Variants in RBFOX1 observed in about 807,000 individuals in gnomAD.
RBFOX1 encodes RNA binding fox-1 homolog 1.
In RBFOX1, 8 loss-of-function variants were observed where a neutral mutation model predicts 57.7. The ratio of observed to expected loss-of-function variants is 0.14; its 90% confidence interval spans 0.08 to 0.25. The LOEUF (loss-of-function observed/expected upper bound fraction) is 0.25, where lower values mean the gene tolerates loss of function less well. Among genes scored for constraint, RBFOX1 ranks in the 10% least tolerant of loss-of-function variants. The probability of loss-of-function intolerance (pLI) is 1.00; values close to 1 mark genes in which losing one functional copy is unlikely to be tolerated. For missense variants in RBFOX1, 611 were observed against 548.5 expected (o/e 1.11, Z -1.14); for synonymous variants, 326 against 222.4 (o/e 1.47, Z -4.15).
At chr16:7,674,759 A>G (rs2072753459) in intron 13 of RBFOX1, among the ~76,000 whole-genome samples, 1 of 152,190 alleles carries the variant, frequency 6.6e-6, no homozygotes, top group South Asian at 2.1e-4. Context: ...TGTTTCTACT[A>G]TACATAACCT....
At chr16:7,288,200 T>C (rs991491762) in intron 4 of RBFOX1, among the ~76,000 whole-genome samples, 17 of 152,210 alleles carry the variant, frequency 1.1e-4, no homozygotes, top group Non-Finnish European at 8.8e-5. Flanking sequence ...CCATAGTTTG[T>C]GATCCTGTAA....
At chr16:6,396,182 A>G (rs1451958047) in intron 2 of RBFOX1, among the ~76,000 whole-genome samples, 1 of 152,026 alleles carries the variant, frequency 6.6e-6, no homozygotes, top group African/African-American at 2.4e-5. Context: ...TAGATAGGAT[A>G]GTAAAAATCA....
At chr16:5,756,206 T>C (rs2053387953) in intron 3 of RBFOX1, among the ~76,000 whole-genome samples, 1 of 112,614 alleles carries the variant, frequency 8.9e-6, no homozygotes, top group Admixed American at 1.3e-4. Context: ...ACCCCCTTCT[T>C]ACATCTTCCA....
rs573352359 is a variant in RBFOX1 at position 6,968,010 on chromosome 16, C to G, written c.-15-84047C>G. On this transcript the variant is annotated intron_variant, in intron 3 of 15. Coordinates refer to ENST00000550418, the MANE Select transcript of RBFOX1 (RefSeq NM_018723.4). ...TGATGACAGCGGGAAGGTGCTGCCT[C>G]TGCTCTTGTAAGGAAGCCATGTGGG... 1.8e-3 allele frequency among the ~76,000 whole-genome samples: 274 copies of G among 152,296 alleles called. 2 individuals are homozygous for G. The highest frequency in any genetic ancestry group is 6.5e-3 in the African/African-American group (272 of 41,582).
intron 3 of RBFOX1, among the ~76,000 whole-genome samples, chr16:6,700,278 G>C (rs1015982852): frequency 1.3e-5 from 2 of 151,980 alleles, no homozygotes; most frequent in Non-Finnish European, 2.9e-5. Context: ...CCCAAGGCTT[G>C]TTGAAATGAA....
chr16:7,398,510 C>T (rs928838327), intron 4 of RBFOX1, among the ~76,000 whole-genome samples: 3 of 152,172 alleles, frequency 2.0e-5, no homozygotes, highest in African/African-American at 7.2e-5. Flanking sequence ...ATCTGGAGAA[C>T]CCAGAAAACA....
chr16:6,515,639 C>G (rs1422760870), intron 2 of RBFOX1, among the ~76,000 whole-genome samples: 2 of 152,102 alleles, frequency 1.3e-5, no homozygotes, highest in Admixed American at 6.5e-5. Context: ...CTTACAGAGT[C>G]TTAAGTCTAA....
chr16:5,918,070 G>A (rs1014368492), intron 4 of RBFOX1, among the ~76,000 whole-genome samples: 28 of 152,234 alleles, frequency 1.8e-4, no homozygotes, highest in Admixed American at 1.1e-3. Context: ...CAAGCACTCA[G>A]TCAGCAACAG....
chr16:7,196,098 C>G (rs1036354547), intron 4 of RBFOX1, among the ~76,000 whole-genome samples: 1 of 151,924 alleles, frequency 6.6e-6, no homozygotes, highest in Non-Finnish European at 1.5e-5. Flanking sequence ...ATTGTTTGCT[C>G]TTTTCTCTTC....
At chr16:6,916,334 C>T (rs891645412) in intron 3 of RBFOX1, among the ~76,000 whole-genome samples, 1 of 151,974 alleles carries the variant, frequency 6.6e-6, no homozygotes, top group Non-Finnish European at 1.5e-5. Context: ...TTGTTTTTAC[C>T]TTTTTGCTAT....
intron 4 of RBFOX1, among the ~76,000 whole-genome samples, chr16:7,088,892 A>C (rs1250172469): frequency 6.6e-6 from 1 of 152,142 alleles, no homozygotes; most frequent in African/African-American, 2.4e-5. Flanking sequence ...GTTGCTCGGC[A>C]GGCTTAGAAA....
rs146509464 is a variant in RBFOX1 at position 5,956,360 on chromosome 16, A to G, written c.351+89025A>G. The stretch of plus-strand genomic sequence containing the variant: ...AACAATGAATAAATTTTTAGTATAA[A>G]TATGTTGCAAATTTGACAGATTTAT... On this transcript the variant is annotated intron_variant, in intron 4 of 19. Transcript: ENST00000641259. Among the ~76,000 whole-genome samples, 27 of 152,168 alleles carry G rather than the reference A, an allele frequency of 1.8e-4. 1 individual carries two copies. The East Asian group carries it at 4.6e-3, about 26-fold the overall frequency.
chr16:7,496,552 C>G (rs573563222), intron 4 of RBFOX1, among the ~76,000 whole-genome samples: 1 of 151,854 alleles, frequency 6.6e-6, no homozygotes, highest in East Asian at 1.9e-4. Context: ...TGAGTTTAAT[C>G]ATCATCATCA....
At chr16:6,728,628 C>G (rs568146048) in intron 3 of RBFOX1, among the ~76,000 whole-genome samples, 2 of 152,226 alleles carry the variant, frequency 1.3e-5, no homozygotes, top group East Asian at 3.9e-4. Context: ...TGGAGCTGCC[C>G]CACGCTGGCT....
At position 6,780,817 on chromosome 16, in the gene RBFOX1, T is replaced by G. The variant is rs185142473; in HGVS notation, c.-16+126167T>G. Among the ~76,000 whole-genome samples the G allele has an allele frequency of 3.5e-3, 539 of 152,054 alleles. 7 individuals are homozygous for G. Among genetic ancestry groups the G allele is most frequent in the African/African-American group, 0.012 (489 of 41,500 alleles). ...CTTGAGAATTGTCTATTCAGATGTT[T>G]GCTCATTTTTATTTGGATTATTTGG... is the stretch of plus-strand genomic sequence containing the variant. On this transcript the variant is annotated intron_variant, in intron 3 of 15. Transcript: ENST00000550418.
At chr16:6,528,010 C>A (rs2096604977) in intron 2 of RBFOX1, among the ~76,000 whole-genome samples, 1 of 152,122 alleles carries the variant, frequency 6.6e-6, no homozygotes, top group African/African-American at 2.4e-5. Flanking sequence ...TGTTGATTTG[C>A]ATGGATTTCT....
Position 7,034,841 on chromosome 16 carries a change from C to CTTTTTTTTTTTTTTTTTTTTTTT in RBFOX1, c.-15-17210_-15-17209insTTTTTTTTTTTTTTTTTTTTTTT, listed in dbSNP as rs1255430430. Among the ~76,000 whole-genome samples the CTTTTTTTTTTTTTTTTTTTTTTT allele has an allele frequency of 5.7e-3, 223 of 39,042 alleles. 38 individuals are homozygous for CTTTTTTTTTTTTTTTTTTTTTTT. Among genetic ancestry groups the CTTTTTTTTTTTTTTTTTTTTTTT allele is most frequent in the Non-Finnish European group, 7.3e-3 (164 of 22,408 alleles). 25.6% of individuals were successfully genotyped at this position (39,042 alleles called of 152,430 possible). A position where few individuals can be genotyped will look rare whatever the true frequency, so the allele number is the denominator to read the frequency against. ...ATATTGCATTACTTTTTTTTTTTTTCTTTTTTCTTTTTTTTTTTTTTTTTT... is the reference window on the plus strand; with the variant it reads ...ATATTGCATTACTTTTTTTTTTTTTCTTTTTTTTTTTTTTTTTTTTTTTTTTTTTCTTTTTTTTTTTTTTTTTT... On this transcript the variant is annotated intron_variant, in intron 3 of 15. Transcript: ENST00000550418.
intron 1 of RBFOX1, among the ~76,000 whole-genome samples, chr16:6,230,106 ATCT>A (rs1204560232): frequency 6.6e-6 from 1 of 152,182 alleles, no homozygotes; most frequent in Non-Finnish European, 1.5e-5. Flanking sequence ...TTTTTACTCC[ATCT>A]TCTTCTTAAA....
rs553883069 is a variant in RBFOX1 at position 5,497,593 on chromosome 16, G to A, written c.258+30339G>A. ...GGAGTTCAAGACCAGCTTGGCCAAC[G>A]CGGTGAAACCCTATCTCTACTAAAA... On this transcript the variant is annotated intron_variant, in intron 2 of 2. Coordinates refer to the RBFOX1 transcript ENST00000585867. 2.2e-3 allele frequency among the ~76,000 whole-genome samples: 304 copies of A among 138,176 alleles called. 2 individuals carry two copies. Among genetic ancestry groups the A allele is most frequent in the Non-Finnish European group, 2.6e-3 (172 of 65,996 alleles). The allele number at this position is 138,176 out of a possible 152,430, so 90.6% of individuals were successfully genotyped here.
Sources: gnomAD v4.1 joint callset for allele counts (sites outside exome capture counted in the v4.1 genomes callset) on GRCh38, gnomAD v4.1.1 for gene constraint, MANE v1.5 for transcripts, NCBI Gene and HGNC (gene_info 2026-07-23, HGNC 2026-07-21) for gene names.